Variants in PPP2R1A observed in about 807,000 individuals in gnomAD.
The protein encoded by PPP2R1A is serine/threonine-protein phosphatase 2A 65 kDa regulatory subunit A alpha isoform.
In PPP2R1A, 15 loss-of-function variants were observed where a neutral mutation model predicts 67.1. The observed-to-expected ratio is 0.22, with a 90% CI of 0.15 to 0.34. The LOEUF (loss-of-function observed/expected upper bound fraction) is 0.34, where lower values mean the gene tolerates loss of function less well. Ranked by LOEUF, PPP2R1A falls within the 10% of genes least tolerant of loss-of-function variation. The probability of loss-of-function intolerance (pLI) is 1.00; values close to 1 mark genes in which losing one functional copy is unlikely to be tolerated. For synonymous variants in PPP2R1A, 337 were observed against 325.0 expected, an observed-to-expected ratio of 1.04 and a Z score of -0.40; for missense variants, 369 against 775.0, an observed-to-expected ratio of 0.48 and a Z score of 6.22.
chr19:52,209,962 G>T (rs2089648762), intron 3 of PPP2R1A, among the ~76,000 whole-genome samples: 1 of 152,156 alleles, frequency 6.6e-6, no homozygotes, highest in Non-Finnish European at 1.5e-5. Flanking sequence ...GCCCTCCCTG[G>T]GCTACATGCC....
At chr19:52,191,513 G>C (rs2089454546) in intron 1 of PPP2R1A, 1 of 152,182 alleles carries the variant, frequency 6.6e-6, no homozygotes, top group African/African-American at 2.4e-5. Context: ...AATTGGACAA[G>C]GTGCACTGGG....
intron 1 of PPP2R1A, among the ~76,000 whole-genome samples, chr19:52,195,200 G>A (rs1293603842): frequency 2.0e-5 from 3 of 152,130 alleles, no homozygotes; most frequent in Non-Finnish European, 4.4e-5. Context: ...ATAGTGGGAA[G>A]GCGGATTTTA....
At chr19:52,210,244 T>C (rs2089651471) in intron 3 of PPP2R1A, among the ~76,000 whole-genome samples, 1 of 152,158 alleles carries the variant, frequency 6.6e-6, no homozygotes, top group South Asian at 2.1e-4. Flanking sequence ...AGAGTGCTGC[T>C]GGGCTCTGGG....
intron 13 of PPP2R1A, among the ~76,000 whole-genome samples, chr19:52,225,343 CAT>C (rs1217361725): frequency 6.6e-6 from 1 of 151,994 alleles, no homozygotes; most frequent in Non-Finnish European, 1.5e-5. Flanking sequence ...TTAATTGACT[CAT>C]AATTTTATAT....
chr19:52,191,866 T>C (rs1364432565), intron 1 of PPP2R1A, among the ~76,000 whole-genome samples: 2 of 152,128 alleles, frequency 1.3e-5, no homozygotes, highest in Non-Finnish European at 2.9e-5. Flanking sequence ...AGGAAACAAA[T>C]AGGATGTAGT....
intron 12 of PPP2R1A, among the ~76,000 whole-genome samples, chr19:52,221,722 C>G (rs1267225376): frequency 6.6e-6 from 1 of 152,094 alleles, no homozygotes; most frequent in Non-Finnish European, 1.5e-5. Context: ...ATAATTATCT[C>G]ATGTACTACT....
chr19:52,224,106 AAC>A (rs1364506161), intron 13 of PPP2R1A, among the ~76,000 whole-genome samples: 1 of 152,190 alleles, frequency 6.6e-6, no homozygotes, highest in Non-Finnish European at 1.5e-5. Context: ...AAATCAAGAA[AAC>A]ACACCATTTA....
At chr19:52,198,209 T>A (rs2089513743) in intron 1 of PPP2R1A, among the ~76,000 whole-genome samples, 1 of 152,190 alleles carries the variant, frequency 6.6e-6, no homozygotes, top group South Asian at 2.1e-4. Flanking sequence ...CCACAGCTAA[T>A]ATGTAAGCAG....
At chr19:52,201,444 A>AG (rs1481415706) in intron 1 of PPP2R1A, 1 of 153,962 alleles carries the variant, frequency 6.5e-6, no homozygotes, top group Non-Finnish European at 1.4e-5. Context: ...TGACCCTGAG[A>AG]GGGGCTTTTG....
chr19:52,224,004 A>G (rs1568600059), intron 13 of PPP2R1A, among the ~76,000 whole-genome samples: 1 of 152,236 alleles, frequency 6.6e-6, no homozygotes, highest in East Asian at 1.9e-4. Flanking sequence ...GTTCATTCAA[A>G]CAGTGGAAAA....
In PPP2R1A at chr19:52,213,909, A is replaced by C. The variant is rs573529198; in HGVS notation, c.807+799A>C. Among the ~76,000 whole-genome samples the C allele has an allele frequency of 1.3e-5, 2 of 152,258 alleles. No homozygotes were observed. The highest frequency in any genetic ancestry group is 6.5e-5 in the Admixed American group (1 of 15,292). On this transcript the variant is annotated intron_variant, in intron 6 of 14. Transcript: ENST00000322088. This position sits in a 1 kb window ranked among gnomAD's most constrained non-coding sequence, Gnocchi z 4.2. ...AGGGATCCAGATTGCCTCATCCCACAAACATGTTTGCTGAGCACCAGCTAT... is the reference window on the plus strand; with the variant it reads ...AGGGATCCAGATTGCCTCATCCCACCAACATGTTTGCTGAGCACCAGCTAT...
At chr19:52,207,831 A>G (rs1429996529) in intron 3 of PPP2R1A, among the ~76,000 whole-genome samples, 3 of 152,146 alleles carry the variant, frequency 2.0e-5, no homozygotes, top group Non-Finnish European at 2.9e-5. Flanking sequence ...CCTATGTGCT[A>G]TCCTCAGAGG....
At chr19:52,191,038 T>G (rs1019479512) in intron 1 of PPP2R1A, 2 of 152,186 alleles carry the variant, frequency 1.3e-5, no homozygotes, top group East Asian at 1.9e-4. Flanking sequence ...TTTTGTATTT[T>G]TAGCAGAGAC....
chr19:52,225,930 C>T, intron 14 of PPP2R1A, 35 bp from the exon 15 acceptor site: 2 of 1,614,206 alleles, frequency 1.2e-6, no homozygotes, highest in South Asian at 2.2e-5. Flanking sequence ...AGAGAGGGCT[C>T]TGGTTCTGAT....
At chr19:52,202,088 T>TCACTATATAAGAGAAGA (rs1455950281) in intron 2 of PPP2R1A, 54 bp downstream of exon 2, 1 of 1,452,750 alleles carries the variant, frequency 6.9e-7, no homozygotes, top group Non-Finnish European at 9.7e-7. Context: ...GAGGTGGTTT[T>TCACTATATAAGAGAAGA]CACTATATAA....
intron 6 of PPP2R1A, among the ~76,000 whole-genome samples, chr19:52,214,618 A>G (rs1035067629): frequency 6.6e-6 from 1 of 152,202 alleles, no homozygotes; most frequent in Admixed American, 6.5e-5. Flanking sequence ...TCCCGTCTTC[A>G]TAATGAACTG....
Position 52,212,521 on chromosome 19 carries a change from C to T in PPP2R1A, c.504-165C>T, listed in dbSNP as rs572360657. 2.7e-6 allele frequency: 2 copies of T among 750,244 alleles called. No individual in the cohort carries two copies. Among genetic ancestry groups the T allele is most frequent in the African/African-American group, 1.8e-5 (1 of 56,622 alleles). 46.5% of individuals were successfully genotyped at this position (750,244 alleles called of 1,614,324 possible). A position where few individuals can be genotyped will look rare whatever the true frequency, so the allele number is the denominator to read the frequency against. ...CTCATGCGGACCTGTGGGGTAGGTA[C>T]TGTTACTATCAGCTCCGTTTCATAG... On this transcript the variant is annotated intron_variant, in intron 4 of 14. Coordinates refer to ENST00000322088, the MANE Select transcript of PPP2R1A (RefSeq NM_014225.6). The surrounding 1 kb of genome is among the most constrained non-coding windows in gnomAD (Gnocchi z 4.1).
intron 1 of PPP2R1A, among the ~76,000 whole-genome samples, chr19:52,192,104 G>A (rs2089459326): frequency 6.6e-6 from 1 of 152,166 alleles, no homozygotes; most frequent in Non-Finnish European, 1.5e-5. Flanking sequence ...AGTGTGGTCA[G>A]GGGAGGCCTT....
At chr19:52,221,316 G>T (rs999462091) in intron 12 of PPP2R1A, among the ~76,000 whole-genome samples, 183 bp downstream of exon 12, 1 of 152,174 alleles carries the variant, frequency 6.6e-6, no homozygotes, top group African/African-American at 2.4e-5. Context: ...CCAGGGTCAG[G>T]GTCATAGGGC....
Sources: allele counts gnomAD v4.1 joint callset (sites outside exome capture counted in the v4.1 genomes callset), GRCh38; gene constraint gnomAD v4.1.1; non-coding constraint Gnocchi (gnomAD v3.1); transcripts MANE v1.5; gene names NCBI Gene and HGNC (gene_info 2026-07-23, HGNC 2026-07-21).